The following VCPIP1 variants were observed in gnomAD, a reference collection of about 807,000 sequenced individuals.
The protein encoded by VCPIP1 is deubiquitinating protein VCPIP1.
In VCPIP1, 8 loss-of-function variants were observed where a neutral mutation model predicts 85.0. The ratio of observed to expected loss-of-function variants is 0.09; its 90% CI spans 0.06 to 0.17. VCPIP1 has a LOEUF of 0.17. Among genes scored for constraint, VCPIP1 ranks in the 10% least tolerant of loss-of-function variants. VCPIP1 has a pLI of 1.00. For synonymous variants in VCPIP1, 543 were observed against 544.5 expected, an observed-to-expected ratio of 1.00 and a Z score of 0.04; for missense variants, 1,070 against 1,486.3, an observed-to-expected ratio of 0.72 and a Z score of 4.61.
Position 66,664,437 on chromosome 8 carries a change from T to C in VCPIP1, c.2522A>G (p.Gln841Arg), listed in dbSNP as rs770168179. 1 of 1,613,796 alleles carries C rather than the reference T, an allele frequency of 6.2e-7. No individual in the cohort carries two copies. Among genetic ancestry groups the C allele is most frequent in the East Asian group, 2.2e-5 (1 of 44,888 alleles). Residue 841 changes from glutamine (Q) to arginine (R), a missense_variant, in exon 1 of 3, where the codon CAG (glutamine) becomes CGG (arginine). By Grantham distance (43) the Gln-to-Arg change is conservative. This residue lies in a region of VCPIP1 where 278 missense variants were observed against 298.5 expected (regional missense o/e 0.93). Transcript: ENST00000310421. ...TTCTATTGTAATTCTGTCGCCATGC[T>C]GTAAAGGAACTGGTTCCTTTTCCAT... Reference protein sequence around the residue: ...AGMEKEPVPLQHGDRITIEIL... With the variant: ...AGMEKEPVPLRHGDRITIEIL...
intron 2 of VCPIP1, among the ~76,000 whole-genome samples, chr8:66,643,134 C>T (rs939409517): frequency 6.6e-6 from 1 of 151,690 alleles, no homozygotes; most frequent in Non-Finnish European, 1.5e-5. Flanking sequence ...ACCAGCCTGG[C>T]CAACATGGCG....
At position 66,664,772 on chromosome 8, in the gene VCPIP1, T is replaced by C. The variant is rs746679840; in HGVS notation, c.2187A>G (p.Lys729=). 1 of 1,612,830 alleles carries C rather than the reference T, an allele frequency of 6.2e-7. No homozygotes were observed. The highest frequency in any genetic ancestry group is 1.1e-5 in the South Asian group (1 of 90,950). Residue 729 remains lysine (K), a synonymous_variant, in exon 1 of 3, where the codon AAA becomes AAG. Coordinates refer to ENST00000310421, the MANE Select transcript of VCPIP1 (RefSeq NM_025054.5). ...CTTGTTTTAACTTCTCTGTTTTCCG[T>C]TTCTGCATTACAGAAGCCTGTTCCG... ...NITEQASVMQ[K]RKTEKLKQEQ... is the part of the protein sequence containing the mutation.
intron 2 of VCPIP1, among the ~76,000 whole-genome samples, chr8:66,644,447 A>G (rs1353271976): frequency 6.6e-6 from 1 of 152,238 alleles, no homozygotes; most frequent in Admixed American, 6.5e-5. Flanking sequence ...TCATCTTGAT[A>G]CATGTAGGAA....
intron 1 of VCPIP1, among the ~76,000 whole-genome samples, chr8:66,653,174 C>T (rs1359814589): frequency 6.6e-6 from 1 of 152,110 alleles, no homozygotes; most frequent in Non-Finnish European, 1.5e-5. Flanking sequence ...ACTAATGATG[C>T]AGTACTACTA....
intron 1 of VCPIP1, among the ~76,000 whole-genome samples, chr8:66,657,614 C>T (rs1219657181): frequency 6.6e-6 from 1 of 152,188 alleles, no homozygotes; most frequent in African/African-American, 2.4e-5. Context: ...TTTTATCATA[C>T]ACAGACATGC....
rs763696217 is a variant in VCPIP1, at chr8:66,665,266, A to C, written c.1693T>G (p.Ser565Ala). ...IVYLDGDRTNSRSTGGKCGCG... is the reference protein window; with the variant it reads ...IVYLDGDRTNARSTGGKCGCG... ...CCACATTTGCCACCAGTGGACCTAGAATTAGTTCTGTCTCCATCCAAATAC... is the reference window on the plus strand; with the variant it reads ...CCACATTTGCCACCAGTGGACCTAGCATTAGTTCTGTCTCCATCCAAATAC... The change falls in exon 1 of 3, where the codon TCT becomes GCT. Residue 565 changes from serine to alanine, a missense_variant. This residue lies in a region of VCPIP1 where 123 missense variants were observed against 156.3 expected (regional missense o/e 0.79). Coordinates refer to ENST00000310421, the MANE Select transcript of VCPIP1 (RefSeq NM_025054.5). This position sits in a 1 kb window ranked among gnomAD's most constrained non-coding sequence, Gnocchi z 4.3. 16 of 1,614,168 alleles carry C rather than the reference A, an allele frequency of 9.9e-6. No individual in the cohort carries two copies. Among genetic ancestry groups the C allele is most frequent in the Non-Finnish European group, 1.4e-5 (16 of 1,180,030 alleles).
Position 66,628,940 on chromosome 8 carries a change from A to AT in VCPIP1, c.*5560dup, listed in dbSNP as rs1810806707. The AT allele has an allele frequency of 6.6e-6, 1 of 152,220 alleles. No individual in the cohort carries two copies. The highest frequency in any genetic ancestry group is 1.5e-5 in the Non-Finnish European group (1 of 68,034). 9.4% of individuals were successfully genotyped at this position (152,220 alleles called of 1,614,324 possible). A position where few individuals can be genotyped will look rare whatever the true frequency, so the allele number is the denominator to read the frequency against. Reference sequence around the variant, plus strand: ...TCACAGAGCACACTGTCGGTTTGAGATTCTCAGTGTTGCACATGGTCATAA... The same window carrying AT: ...TCACAGAGCACACTGTCGGTTTGAGATTTCTCAGTGTTGCACATGGTCATAA... On this transcript the variant is annotated 3_prime_UTR_variant, in exon 3 of 3. Coordinates refer to ENST00000310421, the MANE Select transcript of VCPIP1 (RefSeq NM_025054.5).
At position 66,665,715 on chromosome 8, in the gene VCPIP1, G is replaced by C; in HGVS notation, c.1244C>G (p.Ala415Gly). 6.2e-7 allele frequency: 1 copy of C among 1,614,086 alleles called. No individual in the cohort carries two copies. Among genetic ancestry groups the C allele is most frequent in the Non-Finnish European group, 8.5e-7 (1 of 1,179,980 alleles). Residue 415 changes from alanine (A) to glycine (G), a missense_variant, in exon 1 of 3, where the codon GCT becomes GGT. By Grantham distance (60) the Ala-to-Gly change is moderately conservative. Around this residue, in one of 8 missense-constraint regions of VCPIP1, gnomAD observed 83 missense variants for 134.6 expected, o/e 0.62. Coordinates refer to ENST00000310421, the MANE Select transcript of VCPIP1 (RefSeq NM_025054.5). The surrounding 1 kb of genome is among the most constrained non-coding windows in gnomAD (Gnocchi z 4.3). ...GTCCATAAAGACTTCTTCCATAGCA[G>C]CAACAAGCCTAAGTAAGTATTTATC... ...LQDKYLLRLV[A>G]AMEEVFMDKH...
intron 2 of VCPIP1, among the ~76,000 whole-genome samples, chr8:66,647,147 C>T (rs1348955891): frequency 6.6e-6 from 1 of 152,100 alleles, no homozygotes; most frequent in Non-Finnish European, 1.5e-5. Flanking sequence ...TCAAGACCAG[C>T]CTAGCCAAGA....
At chr8:66,658,238 G>A (rs2130176673) in intron 1 of VCPIP1, among the ~76,000 whole-genome samples, 1 of 151,684 alleles carries the variant, frequency 6.6e-6, no homozygotes, top group East Asian at 1.9e-4. Context: ...GGAGGCTGAG[G>A]CAGGAGAATC....
chr8:66,638,058 A>T (rs1176930583), intron 2 of VCPIP1, among the ~76,000 whole-genome samples: 2 of 152,244 alleles, frequency 1.3e-5, no homozygotes, highest in Admixed American at 1.3e-4. Context: ...TACATTAAAA[A>T]CCCAGAAACT....
chr8:66,631,726 A>G lies in VCPIP1; in HGVS notation c.*2775T>C, dbSNP rs1586619336. 3 of 152,702 alleles carry G rather than the reference A, an allele frequency of 2.0e-5. No individual in the cohort carries two copies. The South Asian group carries it at 6.2e-4, about 32-fold the overall frequency. The allele number at this position is 152,702 out of a possible 1,614,324, so 9.5% of individuals were successfully genotyped here. Reference sequence around the variant, plus strand: ...AACTTTCTCAGGCCTCTACCCTAACATTTTCCAATAAAAATATCTGAAACA... The same window carrying G: ...AACTTTCTCAGGCCTCTACCCTAACGTTTTCCAATAAAAATATCTGAAACA... On this transcript the variant is annotated 3_prime_UTR_variant, in exon 3 of 3. Coordinates refer to ENST00000310421, the MANE Select transcript of VCPIP1 (RefSeq NM_025054.5).
chr8:66,660,809 CGAG>C (rs1223932733), intron 1 of VCPIP1, among the ~76,000 whole-genome samples: 1 of 151,970 alleles, frequency 6.6e-6, no homozygotes, highest in African/African-American at 2.4e-5. Context: ...TTTGGGAGGC[CGAG>C]GAGGGCGGAT....
chr8:66,639,321 C>CTTT (rs57563619), intron 2 of VCPIP1, among the ~76,000 whole-genome samples: 1,136 of 67,812 alleles, frequency 0.017, 246 homozygotes, highest in Non-Finnish European at 0.021. Context: ...TAATTTTATT[C>CTTT]TTTTTTTTTT....
chr8:66,628,970 T>C lies in VCPIP1; in HGVS notation c.*5531A>G, dbSNP rs1343834299. On this transcript the variant is annotated 3_prime_UTR_variant, in exon 3 of 3. Transcript: ENST00000310421. ...CAGTGTTGCACATGGTCATAAATGT[T>C]TGAATGTACAACCCCCCATTTTTTA... 2 of 152,224 alleles carry C rather than the reference T, an allele frequency of 1.3e-5. No individual in the cohort carries two copies. Among genetic ancestry groups the C allele is most frequent in the Non-Finnish European group, 2.9e-5 (2 of 68,040 alleles). 9.4% of individuals were successfully genotyped at this position (152,224 alleles called of 1,614,324 possible). A position where few individuals can be genotyped will look rare whatever the true frequency, so the allele number is the denominator to read the frequency against.
intron 1 of VCPIP1, among the ~76,000 whole-genome samples, chr8:66,662,858 C>T (rs924191651): frequency 7.2e-5 from 11 of 151,876 alleles, no homozygotes; most frequent in Non-Finnish European, 1.0e-4. Flanking sequence ...TTTAAGTACA[C>T]TAGCATTCGT....
chr8:66,646,156 T>A (rs1193702748), intron 2 of VCPIP1, among the ~76,000 whole-genome samples: 2 of 148,746 alleles, frequency 1.3e-5, no homozygotes, highest in Non-Finnish European at 3.0e-5. Context: ...CAATGCAACC[T>A]CCACCTCCTG....
At chr8:66,635,913 CA>C (rs1187108604) in intron 2 of VCPIP1, among the ~76,000 whole-genome samples, 948 of 75,706 alleles carry the variant, frequency 0.013, 10 homozygotes, top group Middle Eastern at 0.038. Flanking sequence ...AACTCTATCT[CA>C]AAAAAAAAAA....
In VCPIP1 at chr8:66,630,425, AC is replaced by A. The variant is rs1337314473; in HGVS notation, c.*4075del. The A allele has an allele frequency of 9.8e-5, 15 of 152,648 alleles. No homozygotes were observed. The highest frequency in any genetic ancestry group is 9.8e-4 in the Admixed American group (15 of 15,288). 9.5% of individuals were successfully genotyped at this position (152,648 alleles called of 1,614,324 possible). A position where few individuals can be genotyped will look rare whatever the true frequency, so the allele number is the denominator to read the frequency against. ...TTCTTAGTCAAATAAGCCTGAAAAT[AC>A]TGGCAACCTTTTCAGTCTTGCATTG... is the stretch of plus-strand genomic sequence containing the variant. On this transcript the variant is annotated 3_prime_UTR_variant, in exon 3 of 3. Coordinates refer to ENST00000310421, the MANE Select transcript of VCPIP1 (RefSeq NM_025054.5).
Sources: gnomAD v4.1 joint callset for allele counts (sites outside exome capture counted in the v4.1 genomes callset) on GRCh38, gnomAD v4.1.1 for gene constraint, gnomAD v4.1.1 regional missense constraint, Gnocchi (gnomAD v3.1) non-coding constraint, MANE v1.5 for transcripts, NCBI Gene and HGNC (gene_info 2026-07-23, HGNC 2026-07-21) for gene names.